The following ADK variants were observed in gnomAD, a reference collection of about 807,000 sequenced individuals.
ADK encodes the protein adenosine kinase, also known as N6,N6-dimethyladenosine kinase.
A neutral mutation model predicts 44.7 loss-of-function variants in ADK; 24 were observed. The ratio of observed to expected loss-of-function variants is 0.54; its 90% CI spans 0.39 to 0.76. The LOEUF is 0.76. Among genes scored for constraint, ADK ranks in the 30% least tolerant of loss-of-function variants. ADK has a pLI of 0.00. For missense variants in ADK, 321 were observed against 425.1 expected (o/e 0.76, Z 2.15); for synonymous variants, 128 against 142.6 (o/e 0.90, Z 0.73).
At chr10:74,426,980 C>T (rs1007668944) in intron 6 of ADK, among the ~76,000 whole-genome samples, 1 of 151,940 alleles carries the variant, frequency 6.6e-6, no homozygotes, top group African/African-American at 2.4e-5. Context: ...TGTTATGTTC[C>T]CTTCCGTGTG....
At chr10:74,229,672 C>T (rs920135058) in intron 3 of ADK, among the ~76,000 whole-genome samples, 4 of 152,154 alleles carry the variant, frequency 2.6e-5, no homozygotes, top group East Asian at 1.9e-4. Flanking sequence ...GCTGGGATTA[C>T]GGGCGTGAGC....
At chr10:74,257,759 A>G (rs1845881140) in intron 3 of ADK, among the ~76,000 whole-genome samples, 1 of 152,238 alleles carries the variant, frequency 6.6e-6, no homozygotes, top group African/African-American at 2.4e-5. Context: ...TAGGCAATAA[A>G]TTTAAACTAT....
At chr10:74,469,427 G>A (rs962336048) in intron 6 of ADK, among the ~76,000 whole-genome samples, 2 of 152,118 alleles carry the variant, frequency 1.3e-5, no homozygotes, top group South Asian at 4.2e-4. Flanking sequence ...GTAGTGCATA[G>A]CATAGCTCAC....
chr10:74,320,932 C>T (rs1840786514), intron 4 of ADK, among the ~76,000 whole-genome samples: 1 of 152,170 alleles, frequency 6.6e-6, no homozygotes, highest in Admixed American at 6.5e-5. Flanking sequence ...TAAATGGACT[C>T]TTTCATTCAT....
At chr10:74,683,659 C>T (rs983728391) in intron 10 of ADK, among the ~76,000 whole-genome samples, 7 of 152,128 alleles carry the variant, frequency 4.6e-5, no homozygotes, top group East Asian at 1.9e-4. Context: ...CTGTTCTAGA[C>T]GCACATGGGA....
rs1031929752 is a variant in ADK, at chr10:74,693,634, A to G, written c.965-14687A>G. On this transcript the variant is annotated intron_variant, in intron 10 of 10. Transcript: ENST00000539909. ...TGAATTTCCGTTTCAAAAGATGCGT[A>G]CTGATTTACTTGGTATATAGCTTCT... Among the ~76,000 whole-genome samples the G allele has an allele frequency of 2.0e-5, 3 of 152,194 alleles. No homozygotes were observed. In the East Asian group the frequency reaches 5.8e-4, roughly 29 times the overall value.
At chr10:74,415,435 A>G (rs1157026753) in intron 6 of ADK, among the ~76,000 whole-genome samples, 3 of 152,174 alleles carry the variant, frequency 2.0e-5, no homozygotes, top group Non-Finnish European at 4.4e-5. Context: ...ATTGTATGTA[A>G]ACTGGACATA....
chr10:74,271,658 C>T (rs1846435810), intron 3 of ADK, among the ~76,000 whole-genome samples: 1 of 140,484 alleles, frequency 7.1e-6, no homozygotes, highest in East Asian at 2.1e-4. Flanking sequence ...TGAGAACATG[C>T]GGTGTTTGGT....
At chr10:74,625,562 G>A (rs572452120) in intron 9 of ADK, among the ~76,000 whole-genome samples, 2 of 152,190 alleles carry the variant, frequency 1.3e-5, no homozygotes, top group Non-Finnish European at 2.9e-5. Flanking sequence ...ATAAAGCCCT[G>A]TTTCAGAGGG....
chr10:74,585,072 C>T (rs986901338), intron 7 of ADK, among the ~76,000 whole-genome samples: 10 of 152,102 alleles, frequency 6.6e-5, no homozygotes, highest in African/African-American at 2.4e-4. Flanking sequence ...GAGGATTGTG[C>T]TTTTTAATAG....
chr10:74,511,833 C>T (rs982798211), intron 6 of ADK, among the ~76,000 whole-genome samples: 1 of 152,024 alleles, frequency 6.6e-6, no homozygotes, highest in African/African-American at 2.4e-5. Flanking sequence ...ACTTCCAGTA[C>T]TATGTTGAAT....
intron 10 of ADK, among the ~76,000 whole-genome samples, chr10:74,700,135 C>A (rs544764271): frequency 6.6e-6 from 1 of 152,114 alleles, no homozygotes; most frequent in East Asian, 1.9e-4. Context: ...TGTAAATGCC[C>A]ACACATAGGA....
intron 9 of ADK, chr10:74,661,247 T>C: frequency 9.0e-6 from 8 of 886,666 alleles, no homozygotes; most frequent in Non-Finnish European, 9.5e-6. Context: ...TGTGTAACAA[T>C]GAATCAAAAT....
intron 1 of ADK, among the ~76,000 whole-genome samples, chr10:74,178,146 T>G (rs2132073507): frequency 6.6e-6 from 1 of 152,118 alleles, no homozygotes; most frequent in African/African-American, 2.4e-5. Flanking sequence ...TTCACCATAT[T>G]GGCCAGGCTG....
intron 7 of ADK, among the ~76,000 whole-genome samples, chr10:74,546,733 TGAG>T (rs926292167): frequency 1.3e-5 from 2 of 152,118 alleles, no homozygotes; most frequent in African/African-American, 4.8e-5. Flanking sequence ...GAAAAAATGT[TGAG>T]AAGAGTGTTT....
intron 4 of ADK, among the ~76,000 whole-genome samples, chr10:74,388,012 A>G (rs1345386777): frequency 6.6e-6 from 1 of 151,820 alleles, no homozygotes; most frequent in African/African-American, 2.4e-5. Context: ...GGTTCAAGCG[A>G]TTCTCCTTAC....
At chr10:74,163,883 CTT>C (rs1409587000) in intron 1 of ADK, among the ~76,000 whole-genome samples, 1 of 152,162 alleles carries the variant, frequency 6.6e-6, no homozygotes, top group Non-Finnish European at 1.5e-5. Flanking sequence ...CTGAGGAAGT[CTT>C]CTCCTAAAAT....
intron 9 of ADK, chr10:74,641,655 G>C (rs1458496222): frequency 3.3e-5 from 5 of 152,146 alleles, no homozygotes; most frequent in Non-Finnish European, 5.9e-5. Context: ...TACATAAAAG[G>C]ATCAGCACAG....
At chr10:74,487,427 A>C (rs1847304185) in intron 6 of ADK, among the ~76,000 whole-genome samples, 2 of 151,922 alleles carry the variant, frequency 1.3e-5, no homozygotes, top group African/African-American at 4.8e-5. Context: ...CAGTCTTAAA[A>C]TCTTTATTAT....
Sources: allele counts gnomAD v4.1 joint callset (sites outside exome capture counted in the v4.1 genomes callset), GRCh38; gene constraint gnomAD v4.1.1; transcripts MANE v1.5; gene names NCBI Gene and HGNC (gene_info 2026-07-23, HGNC 2026-07-21).